Variants in PALM2AKAP2 observed in about 807,000 individuals in gnomAD.
The protein encoded by PALM2AKAP2 is PALM2 and AKAP2 fusion.
PALM2AKAP2 carries 37 observed loss-of-function variants against 71.5 expected under a neutral mutation model. The ratio of observed to expected loss-of-function variants is 0.52; its 90% CI spans 0.40 to 0.68. The LOEUF (loss-of-function observed/expected upper bound fraction) is 0.68. PALM2AKAP2 is among the 30% of genes least tolerant of loss of function. The pLI is 0.00. For synonymous variants in PALM2AKAP2, 468 were observed against 478.8 expected (o/e 0.98, Z 0.29); for missense variants, 1,224 against 1,191.8 (o/e 1.03, Z -0.40).
rs1019656478 is a variant in PALM2AKAP2 at position 109,867,192 on chromosome 9, G to C, written c.46-299G>C. On this transcript the variant is annotated intron_variant, in intron 1 of 9. Transcript: ENST00000302798. Reference sequence around the variant, plus strand: ...TGTGTGTGTGTGTGTGTGTGTGTGTGTGTGTGTGTGTGTCTGTGTGTGTGT... The same window carrying C: ...TGTGTGTGTGTGTGTGTGTGTGTGTCTGTGTGTGTGTGTCTGTGTGTGTGT... 11 of 436,884 alleles carry C rather than the reference G, an allele frequency of 2.5e-5. No individual in the cohort carries two copies. In the East Asian group the frequency reaches 2.7e-4, roughly 11 times the overall value. The allele number at this position is 436,884 out of a possible 1,614,324, so 27.1% of individuals were successfully genotyped here. A position where few individuals can be genotyped will look rare whatever the true frequency, so the allele number is the denominator to read the frequency against.
At position 110,068,110 on chromosome 9, in the gene PALM2AKAP2, G is replaced by C. The variant is rs375736462; in HGVS notation, c.156+19255G>C. Among the ~76,000 whole-genome samples, 598 of 109,906 alleles carry C rather than the reference G, an allele frequency of 5.4e-3. 36 individuals carry two copies. Among genetic ancestry groups the C allele is most frequent in the African/African-American group, 0.022 (515 of 23,720 alleles). The allele number at this position is 109,906 out of a possible 152,430, so 72.1% of individuals were successfully genotyped here. A position where few individuals can be genotyped will look rare whatever the true frequency, so the allele number is the denominator to read the frequency against. ...CTCTTTTTTTTTTTTTTTTTGGTAA[G>C]ATAATTTTGAATATCAGTAGAACTT... On this transcript the variant is annotated intron_variant, in intron 1 of 3. Coordinates refer to ENST00000374525, the Ensembl canonical transcript of PALM2AKAP2.
intron 6 of PALM2AKAP2, 138 bp downstream of exon 6, chr9:109,932,166 CA>C: frequency 1.1e-6 from 1 of 943,238 alleles, no homozygotes; most frequent in African/African-American, 1.7e-5. Flanking sequence ...GCAGCCTTCA[CA>C]GTGGCCACAC....
Position 109,866,501 on chromosome 9 carries a change from A to T in PALM2AKAP2, c.46-990A>T, listed in dbSNP as rs141518191. On this transcript the variant is annotated intron_variant, in intron 1 of 9. Coordinates refer to the PALM2AKAP2 transcript ENST00000302798. ...CATTCATATGATGTTTATTGTCCAC[A>T]TTGGAGAAGTATAGAGAAGAAAAAT... Among the ~76,000 whole-genome samples, 72 of 152,292 alleles carry T rather than the reference A, an allele frequency of 4.7e-4. 2 individuals carry two copies. The East Asian group carries it at 0.011, about 24-fold the overall frequency.
chr9:110,100,796 A>G (rs1022533236), intron 1 of PALM2AKAP2, among the ~76,000 whole-genome samples: 1 of 152,174 alleles, frequency 6.6e-6, no homozygotes, highest in African/African-American at 2.4e-5. Context: ...CACATGACAA[A>G]GACATGTGAC....
intron 7 of PALM2AKAP2, among the ~76,000 whole-genome samples, chr9:110,017,805 G>A (rs1833007058): frequency 6.6e-6 from 1 of 150,930 alleles, no homozygotes; most frequent in Non-Finnish European, 1.5e-5. Flanking sequence ...TTGGCTCACT[G>A]CAACATCCGC....
At chr9:110,119,475 T>G (rs968913035) in intron 1 of PALM2AKAP2, among the ~76,000 whole-genome samples, 1 of 152,208 alleles carries the variant, frequency 6.6e-6, no homozygotes, top group Non-Finnish European at 1.5e-5. Context: ...CTACGTGTGC[T>G]TCTATGGTTG....
chr9:109,691,867 T>TAC lies in PALM2AKAP2; in HGVS notation c.5+51015_5+51016dup, dbSNP rs368555887. 4.3e-4 allele frequency among the ~76,000 whole-genome samples: 22 copies of TAC among 51,482 alleles called. 2 individuals are homozygous for TAC. The highest frequency in any genetic ancestry group is 1.7e-3 in the East Asian group (2 of 1,204). The allele number at this position is 51,482 out of a possible 152,430, so 33.8% of individuals were successfully genotyped here. On this transcript the variant is annotated intron_variant, in intron 1 of 6. Transcript: ENST00000374531. Reference sequence around the variant, plus strand: ...ATATATATATATATATATATATATATACACACACACACACATATATATATA... The same window carrying TAC: ...ATATATATATATATATATATATATATACACACACACACACACATATATATATA...
At chr9:109,749,711 C>A (rs943310541) in intron 1 of PALM2AKAP2, among the ~76,000 whole-genome samples, 1 of 152,238 alleles carries the variant, frequency 6.6e-6, no homozygotes, top group African/African-American at 2.4e-5. Context: ...GTGTGATCTC[C>A]ATCTTCTTAA....
chr9:109,749,195 C>T (rs1424425562), intron 1 of PALM2AKAP2, among the ~76,000 whole-genome samples: 1 of 152,132 alleles, frequency 6.6e-6, no homozygotes, highest in African/African-American at 2.4e-5. Flanking sequence ...CCCGTTAGTC[C>T]TTCTAGAAGG....
intron 1 of PALM2AKAP2, among the ~76,000 whole-genome samples, chr9:109,727,502 A>G (rs1828493479): frequency 6.6e-6 from 1 of 152,146 alleles, no homozygotes; most frequent in African/African-American, 2.4e-5. Context: ...AGAGCCCCAA[A>G]TACTTTATTT....
intron 1 of PALM2AKAP2, among the ~76,000 whole-genome samples, chr9:109,727,772 G>A (rs563412446): frequency 2.0e-5 from 3 of 152,230 alleles, no homozygotes; most frequent in Non-Finnish European, 2.9e-5. Context: ...TTGCAAATAC[G>A]TGAAGTTTTT....
intron 1 of PALM2AKAP2, among the ~76,000 whole-genome samples, chr9:110,121,160 G>T (rs1349292465): frequency 1.3e-5 from 2 of 152,130 alleles, no homozygotes; most frequent in South Asian, 2.1e-4. Flanking sequence ...TAAATTAAGG[G>T]CTAAGTGTGT....
At chr9:110,171,153 A>G (rs1836850839) in exon 4 of PALM2AKAP2, 1 of 152,266 alleles carries the variant, frequency 6.6e-6, no homozygotes. Context: ...TACAGTTGAC[A>G]AGAGAATGTA....
chr9:109,834,315 A>G (rs1308434495), intron 1 of PALM2AKAP2, among the ~76,000 whole-genome samples: 1 of 152,254 alleles, frequency 6.6e-6, no homozygotes, highest in Non-Finnish European at 1.5e-5. Flanking sequence ...CCAAAGGGAA[A>G]GAAGGGCCAT....
chr9:110,165,188 T>C (rs963829172), intron 3 of PALM2AKAP2, among the ~76,000 whole-genome samples: 2 of 152,110 alleles, frequency 1.3e-5, no homozygotes, highest in Admixed American at 1.3e-4. Flanking sequence ...CAGAGACATA[T>C]GCCTTTTTGC....
chr9:110,082,896 C>G (rs541883419), intron 1 of PALM2AKAP2, among the ~76,000 whole-genome samples: 1 of 152,174 alleles, frequency 6.6e-6, no homozygotes, highest in Non-Finnish European at 1.5e-5. Flanking sequence ...AATCCCAGCA[C>G]GTTGGGAGGC....
chr9:110,029,994 T>A (rs904384145), intron 7 of PALM2AKAP2, among the ~76,000 whole-genome samples: 3 of 152,162 alleles, frequency 2.0e-5, no homozygotes, highest in Admixed American at 6.5e-5. Flanking sequence ...GGAAAAGTTG[T>A]TGGATTCATA....
chr9:109,990,414 G>T (rs1038707414), intron 6 of PALM2AKAP2, among the ~76,000 whole-genome samples: 8 of 152,130 alleles, frequency 5.3e-5, no homozygotes, highest in Admixed American at 1.3e-4. Context: ...GATGCAACAG[G>T]CTGCACTTCA....
chr9:109,831,664 C>G (rs549342487), intron 1 of PALM2AKAP2, among the ~76,000 whole-genome samples: 26 of 152,176 alleles, frequency 1.7e-4, no homozygotes, highest in South Asian at 1.7e-3. Context: ...CTAAAGTCAC[C>G]CAAGCCTCTT....
Sources: gnomAD v4.1 joint callset for allele counts (sites outside exome capture counted in the v4.1 genomes callset) on GRCh38, gnomAD v4.1.1 for gene constraint, MANE v1.5 for transcripts, NCBI Gene and HGNC (gene_info 2026-07-23, HGNC 2026-07-21) for gene names.